The following FHIP1A variants were observed in gnomAD, a reference collection of about 807,000 sequenced individuals.
FHIP1A encodes the protein FHF complex subunit HOOK-interacting protein 1A.
FHIP1A carries 61 observed loss-of-function variants against 88.6 expected under a neutral mutation model. The observed-to-expected ratio is 0.69, with a 90% confidence interval of 0.56 to 0.85. FHIP1A has a LOEUF of 0.85. FHIP1A is among the 40% of genes least tolerant of loss of function. The pLI is 0.00. For missense variants in FHIP1A, 1,154 were observed against 1,273.5 expected (o/e 0.91, Z 1.43); for synonymous variants, 478 against 496.0 (o/e 0.96, Z 0.48).
chr4:151,517,812 A>G (rs1055720516), intron 3 of FHIP1A, among the ~76,000 whole-genome samples: 6 of 152,164 alleles, frequency 3.9e-5, no homozygotes, highest in Non-Finnish European at 8.8e-5. Context: ...AATAAAAAAC[A>G]TTAAAAATCC....
chr4:151,586,724 G>A lies in FHIP1A; in HGVS notation c.816G>A (p.Leu272=), dbSNP rs1734228752. Residue 272 remains leucine, a synonymous_variant, in exon 6 of 14, where the codon CTG becomes CTA. Transcript: ENST00000435205. ...AAGGCGAGGAATGGCACTGCCTTCT[G>A]AAAGATGACTGGCTTCTACTTCCTT... is the stretch of plus-strand genomic sequence containing the variant. ...EEKGEEWHCL[L]KDDWLLLPSL... 1 of 1,551,452 alleles carries A rather than the reference G, an allele frequency of 6.4e-7. No individual in the cohort carries two copies. Among genetic ancestry groups the A allele is most frequent in the African/African-American group, 1.4e-5 (1 of 73,160 alleles).
intron 3 of FHIP1A, among the ~76,000 whole-genome samples, chr4:151,557,424 C>T (rs1732991245): frequency 6.6e-6 from 1 of 152,180 alleles, no homozygotes; most frequent in Admixed American, 6.5e-5. Context: ...CTTTTGCTTT[C>T]TCTTTTTTCC....
chr4:151,571,168 C>T (rs1027431716), intron 4 of FHIP1A, among the ~76,000 whole-genome samples: 5 of 152,190 alleles, frequency 3.3e-5, no homozygotes, highest in East Asian at 3.9e-4. Flanking sequence ...TCTATCTGCT[C>T]CTTTCAAGCA....
chr4:151,485,005 A>G (rs1052111055), intron 3 of FHIP1A, among the ~76,000 whole-genome samples: 14 of 152,154 alleles, frequency 9.2e-5, no homozygotes, highest in African/African-American at 3.4e-4. Flanking sequence ...AGTGGTTTTG[A>G]ATAAAAATCT....
intron 7 of FHIP1A, among the ~76,000 whole-genome samples, chr4:151,602,154 T>C (rs1734897025): frequency 1.3e-5 from 2 of 152,100 alleles, no homozygotes; most frequent in Admixed American, 1.3e-4. Flanking sequence ...GCAAATCATA[T>C]CACATTTCCA....
chr4:151,653,244 C>T (rs540190229), intron 11 of FHIP1A, among the ~76,000 whole-genome samples: 1 of 152,260 alleles, frequency 6.6e-6, no homozygotes, highest in South Asian at 2.1e-4. Flanking sequence ...TTGTGCAACA[C>T]CCTAGCAATC....
At chr4:151,432,100 A>C (rs1733614269) in intron 1 of FHIP1A, among the ~76,000 whole-genome samples, 1 of 152,258 alleles carries the variant, frequency 6.6e-6, no homozygotes, top group Admixed American at 6.5e-5. Flanking sequence ...CAGATTTGGA[A>C]GATAAGTTAG....
intron 7 of FHIP1A, among the ~76,000 whole-genome samples, chr4:151,594,212 G>A (rs2126817384): frequency 6.6e-6 from 1 of 152,178 alleles, no homozygotes; most frequent in Middle Eastern, 3.4e-3. Flanking sequence ...CTTTTTTTGT[G>A]GTGTCTCTGC....
chr4:151,492,961 G>A (rs1180397431), intron 3 of FHIP1A, among the ~76,000 whole-genome samples: 1 of 152,004 alleles, frequency 6.6e-6, no homozygotes, highest in African/African-American at 2.4e-5. Flanking sequence ...AAACCCAGCA[G>A]AAGGAAAGAA....
At chr4:151,640,913 C>T (rs1454250208) in intron 9 of FHIP1A, among the ~76,000 whole-genome samples, 1 of 152,066 alleles carries the variant, frequency 6.6e-6, no homozygotes, top group Non-Finnish European at 1.5e-5. Context: ...AGACTTGCCC[C>T]TTATAAAGAT....
chr4:151,546,887 C>T (rs1204331166), intron 3 of FHIP1A, among the ~76,000 whole-genome samples: 1 of 152,128 alleles, frequency 6.6e-6, no homozygotes, highest in Non-Finnish European at 1.5e-5. Context: ...GGTGGGCTGG[C>T]CTCAAGAGGT....
At chr4:151,584,952 G>C (rs1370785257) in intron 5 of FHIP1A, among the ~76,000 whole-genome samples, 1 of 152,110 alleles carries the variant, frequency 6.6e-6, no homozygotes, top group Non-Finnish European at 1.5e-5. Flanking sequence ...CGAAATCTGA[G>C]TAAGAGTCTT....
chr4:151,502,743 A>T (rs991149623), intron 3 of FHIP1A, among the ~76,000 whole-genome samples: 1 of 152,204 alleles, frequency 6.6e-6, no homozygotes, highest in Admixed American at 6.5e-5. Context: ...GTTTATTATT[A>T]ATATTCTTGA....
intron 4 of FHIP1A, among the ~76,000 whole-genome samples, chr4:151,568,307 T>G (rs973662416): frequency 6.6e-6 from 1 of 152,220 alleles, no homozygotes; most frequent in African/African-American, 2.4e-5. Flanking sequence ...GGATACTGTT[T>G]AGTTGTTAAA....
At chr4:151,544,410 A>G (rs1306962439) in intron 3 of FHIP1A, among the ~76,000 whole-genome samples, 2 of 152,218 alleles carry the variant, frequency 1.3e-5, no homozygotes, top group African/African-American at 2.4e-5. Flanking sequence ...AAAATAATCA[A>G]TGTTTTCAAC....
chr4:151,497,809 A>G (rs988742684), intron 3 of FHIP1A, among the ~76,000 whole-genome samples: 3 of 152,196 alleles, frequency 2.0e-5, no homozygotes, highest in Non-Finnish European at 2.9e-5. Flanking sequence ...CGACTCAGCC[A>G]TGACTTGTGG....
intron 1 of FHIP1A, among the ~76,000 whole-genome samples, chr4:151,428,958 A>G (rs1733489512): frequency 6.6e-6 from 1 of 152,178 alleles, no homozygotes; most frequent in African/African-American, 2.4e-5. Flanking sequence ...TCTCACTATT[A>G]TAGGCATTTA....
chr4:151,515,304 C>A (rs1451194703), intron 3 of FHIP1A, among the ~76,000 whole-genome samples: 4 of 151,082 alleles, frequency 2.6e-5, no homozygotes, highest in Admixed American at 2.0e-4. Flanking sequence ...GGACATATCT[C>A]AAAATAATAA....
intron 5 of FHIP1A, among the ~76,000 whole-genome samples, chr4:151,583,440 C>T (rs1290561893): frequency 6.6e-6 from 1 of 152,194 alleles, no homozygotes; most frequent in Non-Finnish European, 1.5e-5. Flanking sequence ...TCTGGATGGG[C>T]AGGCTTCTGC....
Sources: gnomAD v4.1 joint callset for allele counts (sites outside exome capture counted in the v4.1 genomes callset) on GRCh38, gnomAD v4.1.1 for gene constraint, MANE v1.5 for transcripts, NCBI Gene and HGNC (gene_info 2026-07-23, HGNC 2026-07-21) for gene names.